The following GLIS3 variants were observed in gnomAD, a reference collection of about 807,000 sequenced individuals.
GLIS3 encodes the protein zinc finger protein GLIS3.
Under a neutral mutation model 78.6 loss-of-function variants are expected in GLIS3, and 53 were observed. The ratio of observed to expected loss-of-function variants is 0.67; its 90% confidence interval spans 0.54 to 0.85. The LOEUF is 0.85. Among genes scored for constraint, GLIS3 ranks in the 40% least tolerant of loss-of-function variants. GLIS3 has a pLI of 0.00. For synonymous variants in GLIS3, 684 were observed against 509.9 expected (o/e 1.34, Z -4.60); for missense variants, 1,703 against 1,231.1 (o/e 1.38, Z -5.74).
At chr9:3,877,379 G>C (rs778858203) in intron 8 of GLIS3, among the ~76,000 whole-genome samples, 1 of 152,196 alleles carries the variant, frequency 6.6e-6, no homozygotes, top group Non-Finnish European at 1.5e-5. Context: ...GTGGGAGGAG[G>C]CTAATGATTT....
Position 4,118,855 on chromosome 9 carries a change from G to A in GLIS3, c.623C>T (p.Ala208Val), listed in dbSNP as rs1380656606. The A allele has an allele frequency of 2.5e-6, 4 of 1,602,564 alleles. No individual in the cohort carries two copies. Among genetic ancestry groups the A allele is most frequent in the Admixed American group, 3.3e-5 (2 of 59,980 alleles). The change falls in exon 4 of 11, where the codon GCG (alanine) becomes GTG (valine). Residue 208 changes from alanine (A) to valine (V), a missense_variant. Ala to Val is a moderately conservative substitution (Grantham distance 64, BLOSUM62 0). Transcript: ENST00000381971. The surrounding 1 kb of genome is among the most constrained non-coding windows in gnomAD (Gnocchi z 4.7). ...TTCCGTCAGACTCAAGGTCGTGGAC[G>A]CCAAAGACTCACGCGAAATAAGGGA... Reference protein sequence around the residue: ...TRSLISRESLASTTLSLTESQ... With the variant: ...TRSLISRESLVSTTLSLTESQ...
the GLIS3 span, among the ~76,000 whole-genome samples, chr9:4,397,958 T>C: frequency 1.8e-4 from 27 of 152,172 alleles, no homozygotes; most frequent in South Asian, 1.9e-3. Context: ...ATTCACACTG[T>C]TCCCCGTCTC....
At chr9:4,248,748 CTGT>C (rs1229246230) in intron 2 of GLIS3, among the ~76,000 whole-genome samples, 6 of 152,232 alleles carry the variant, frequency 3.9e-5, no homozygotes, top group African/African-American at 1.4e-4. Flanking sequence ...TCTCCAGCAT[CTGT>C]TGTTTCCTGA....
At chr9:4,279,159 C>T (rs920269610) in intron 2 of GLIS3, among the ~76,000 whole-genome samples, 17 of 151,518 alleles carry the variant, frequency 1.1e-4, no homozygotes, top group African/African-American at 3.9e-4. Flanking sequence ...AGTTTCCGGG[C>T]GTGGTGGCAG....
At chr9:3,939,888 G>C (rs1158128512) in intron 4 of GLIS3, among the ~76,000 whole-genome samples, 2 of 152,168 alleles carry the variant, frequency 1.3e-5, no homozygotes, top group African/African-American at 2.4e-5. Context: ...GGCACTAAAG[G>C]ATTGATAAAT....
the GLIS3 span, among the ~76,000 whole-genome samples, chr9:4,421,983 C>A: frequency 6.6e-6 from 1 of 152,126 alleles, no homozygotes; most frequent in African/African-American, 2.4e-5. Context: ...TGAATGCAGG[C>A]AACAAACCAC....
chr9:4,200,523 G>GA (rs774793088), intron 2 of GLIS3, among the ~76,000 whole-genome samples: 18 of 152,050 alleles, frequency 1.2e-4, no homozygotes, highest in Non-Finnish European at 2.2e-4. Context: ...AGACTATTAT[G>GA]AACACCTCTA....
chr9:4,433,141 A>T, the GLIS3 span, among the ~76,000 whole-genome samples: 1 of 152,190 alleles, frequency 6.6e-6, no homozygotes, highest in Non-Finnish European at 1.5e-5. Context: ...CATGATCTTA[A>T]TCTAAAATGG....
intron 2 of GLIS3, among the ~76,000 whole-genome samples, chr9:4,167,788 T>G (rs760186636): frequency 6.6e-6 from 1 of 152,212 alleles, no homozygotes; most frequent in South Asian, 2.1e-4. Flanking sequence ...TAATACTTAT[T>G]TTCTAACAGA....
chr9:4,200,081 G>C (rs966417319), intron 2 of GLIS3, among the ~76,000 whole-genome samples: 3 of 152,102 alleles, frequency 2.0e-5, no homozygotes, highest in Non-Finnish European at 4.4e-5. Context: ...AATTAAGGCA[G>C]AAATTTTTTA....
At chr9:4,025,113 G>A (rs141539530) in intron 4 of GLIS3, among the ~76,000 whole-genome samples, 2,415 of 152,086 alleles carry the variant, frequency 0.016, 25 homozygotes, top group Non-Finnish European at 0.024. Flanking sequence ...TTAGCCAAGC[G>A]TGGTGGTGCA....
At chr9:4,017,501 A>C (rs770432790) in intron 4 of GLIS3, among the ~76,000 whole-genome samples, 1 of 152,236 alleles carries the variant, frequency 6.6e-6, no homozygotes, top group Admixed American at 6.5e-5. Context: ...CATGAGGGAT[A>C]GAAACCAGGC....
intron 4 of GLIS3, among the ~76,000 whole-genome samples, chr9:4,093,261 G>GA (rs34660802): frequency 0.33 from 46,610 of 143,016 alleles, 8,307 homozygotes; most frequent in African/African-American, 0.51. Flanking sequence ...ATGCTGCCTG[G>GA]AAAAAAAAAA....
At chr9:4,371,179 G>C in the GLIS3 span, among the ~76,000 whole-genome samples, 1 of 152,174 alleles carries the variant, frequency 6.6e-6, no homozygotes, top group Admixed American at 6.5e-5. Flanking sequence ...AGGCTTGGCA[G>C]CTCCTCTGTT....
At chr9:4,125,555 G>C (rs749113376) in intron 3 of GLIS3, among the ~76,000 whole-genome samples, 179 bp downstream of exon 3, 28 of 152,096 alleles carry the variant, frequency 1.8e-4, no homozygotes, top group Admixed American at 5.2e-4. Flanking sequence ...AAGATGATAA[G>C]ATGGCACATA....
chr9:4,433,748 C>A, the GLIS3 span, among the ~76,000 whole-genome samples: 4 of 152,230 alleles, frequency 2.6e-5, no homozygotes, highest in African/African-American at 4.8e-5. Flanking sequence ...CTTTGGCTGG[C>A]TTTTGCACAG....
chr9:4,329,300 A>T (rs1020633182), intron 2 of GLIS3, among the ~76,000 whole-genome samples: 1 of 152,068 alleles, frequency 6.6e-6, no homozygotes, highest in African/African-American at 2.4e-5. Context: ...ATTTTTTCCC[A>T]TTCATATCCT....
Position 4,118,517 on chromosome 9 carries a change from G to A in GLIS3, c.961C>T (p.Arg321Cys), listed in dbSNP as rs1330580721. ...GIGIDFNTII[R>C]TSPTSLVAYI... ...GCCACCAAGGACGTGGGCGACGTGCGGATGATGGTATTGAAATCTATCCCG... is the reference window on the plus strand; with the variant it reads ...GCCACCAAGGACGTGGGCGACGTGCAGATGATGGTATTGAAATCTATCCCG... Residue 321 changes from arginine (R) to cysteine (C), a missense_variant, in exon 4 of 11, where the codon CGC (arginine) becomes TGC (cysteine). By Grantham distance (180) the Arg-to-Cys change is radical (BLOSUM62 -3). Coordinates refer to ENST00000381971, the MANE Select transcript of GLIS3 (RefSeq NM_001042413.2). This position sits in a 1 kb window ranked among gnomAD's most constrained non-coding sequence, Gnocchi z 4.7. The A allele has an allele frequency of 8.7e-6, 14 of 1,614,234 alleles. No homozygotes were observed. The highest frequency in any genetic ancestry group is 1.2e-5 in the Non-Finnish European group (14 of 1,180,022).
At chr9:4,377,507 C>T in the GLIS3 span, among the ~76,000 whole-genome samples, 1 of 134,928 alleles carries the variant, frequency 7.4e-6, no homozygotes, top group Admixed American at 7.4e-5. Context: ...GACGGCCTAT[C>T]GTGGGATTTC....
Sources: gnomAD v4.1 joint callset for allele counts (sites outside exome capture counted in the v4.1 genomes callset) on GRCh38, gnomAD v4.1.1 for gene constraint, Gnocchi (gnomAD v3.1) non-coding constraint, MANE v1.5 for transcripts, NCBI Gene and HGNC (gene_info 2026-07-23, HGNC 2026-07-21) for gene names.